Variants in CA13 observed in about 807,000 individuals in gnomAD.
CA13 encodes CA-XIII.
In CA13, 21 loss-of-function variants were observed where a neutral mutation model predicts 31.5. That is an observed-to-expected ratio of 0.67 (90% CI 0.47 to 0.96). The LOEUF (loss-of-function observed/expected upper bound fraction) is 0.96, where lower values mean the gene tolerates loss of function less well. CA13 is among the 40% of genes least tolerant of loss of function. The pLI is 0.00. For missense variants in CA13, 315 were observed against 318.9 expected, an observed-to-expected ratio of 0.99 and a Z score of 0.09; for synonymous variants, 117 against 111.4, an observed-to-expected ratio of 1.05 and a Z score of -0.32.
intron 1 of CA13, among the ~76,000 whole-genome samples, chr8:85,247,346 A>C (rs1316426978): frequency 6.6e-6 from 1 of 152,216 alleles, no homozygotes; most frequent in Non-Finnish European, 1.5e-5. Context: ...CACCTGAATG[A>C]AGCTTATTTC....
intron 1 of CA13, among the ~76,000 whole-genome samples, chr8:85,249,224 C>T (rs757758233): frequency 2.0e-5 from 3 of 152,072 alleles, no homozygotes; most frequent in Non-Finnish European, 2.9e-5. Flanking sequence ...TTGGGCCAGG[C>T]GTGGTGGCTC....
At chr8:85,267,597 T>G (rs1284119160) in intron 4 of CA13, among the ~76,000 whole-genome samples, 1 of 152,170 alleles carries the variant, frequency 6.6e-6, no homozygotes, top group East Asian at 1.9e-4. Flanking sequence ...TATGCAAAGT[T>G]TCTCTCAAGT....
At chr8:85,256,473 A>G (rs150172427) in intron 2 of CA13, among the ~76,000 whole-genome samples, 128 of 152,316 alleles carry the variant, frequency 8.4e-4, no homozygotes, top group Admixed American at 5.8e-3. Context: ...GAAAATGCCA[A>G]TTTCTCAGTT....
chr8:85,267,663 G>GT (rs1807475712), intron 4 of CA13, among the ~76,000 whole-genome samples: 1 of 152,114 alleles, frequency 6.6e-6, no homozygotes, highest in Non-Finnish European at 1.5e-5. Context: ...GTTTCTATTA[G>GT]TTTTGGGACT....
At chr8:85,277,039 C>T (rs946705671) in intron 6 of CA13, among the ~76,000 whole-genome samples, 1 of 152,194 alleles carries the variant, frequency 6.6e-6, no homozygotes, top group African/African-American at 2.4e-5. Flanking sequence ...AATCAGCGCC[C>T]TGTCAAAATA....
intron 6 of CA13, among the ~76,000 whole-genome samples, chr8:85,271,282 A>G (rs930268924): frequency 2.0e-5 from 3 of 152,238 alleles, no homozygotes; most frequent in African/African-American, 7.2e-5. Flanking sequence ...TACTGTCACA[A>G]TCAACAAATG....
intron 3 of CA13, among the ~76,000 whole-genome samples, chr8:85,266,285 G>A (rs1265796864): frequency 6.6e-6 from 1 of 152,136 alleles, no homozygotes; most frequent in African/African-American, 2.4e-5. Context: ...CCACCTCCTG[G>A]GTTCAAGTGA....
chr8:85,255,268 T>TC (rs1324601698), intron 2 of CA13, among the ~76,000 whole-genome samples: 1 of 151,720 alleles, frequency 6.6e-6, no homozygotes, highest in East Asian at 1.9e-4. Flanking sequence ...CATGAATTTT[T>TC]TTTTTTTTTT....
chr8:85,248,579 G>C (rs1440220748), intron 1 of CA13, among the ~76,000 whole-genome samples: 2 of 152,004 alleles, frequency 1.3e-5, no homozygotes, highest in African/African-American at 4.8e-5. Context: ...GCAGGGTCAT[G>C]GGGGGGACAA....
intron 4 of CA13, 71 bp from the exon 5 acceptor site, chr8:85,267,831 G>A (rs1031227629): frequency 2.3e-6 from 2 of 862,980 alleles, no homozygotes; most frequent in Non-Finnish European, 3.7e-6. Context: ...TTTTTAAATA[G>A]TGGCTGAAAT....
chr8:85,250,660 C>T, intron 1 of CA13, 80 bp from the exon 2 acceptor site: 1 of 830,218 alleles, frequency 1.2e-6, no homozygotes, highest in South Asian at 1.9e-5. Context: ...CAATTTCAAG[C>T]ACAGTGTGTT....
chr8:85,245,702 G>T lies in CA13; in HGVS notation c.-127G>T. On this transcript the variant is annotated 5_prime_UTR_variant, in exon 1 of 7. Transcript: ENST00000321764. ...GGGAGCGCCCCGGACCGGGTTCACG[G>T]TCTCGCACTCCTGCCGCCGGCGCCC... 9.2e-7 allele frequency: 1 copy of T among 1,088,894 alleles called. No individual in the cohort carries two copies. The highest frequency in any genetic ancestry group is 1.3e-5 in the South Asian group (1 of 75,016). The allele number at this position is 1,088,894 out of a possible 1,614,324, so 67.5% of individuals were successfully genotyped here.
Position 85,283,447 on chromosome 8 carries a change from T to C in CA13, c.*2098T>C, listed in dbSNP as rs1236402936. On this transcript the variant is annotated 3_prime_UTR_variant, in exon 7 of 7. Transcript: ENST00000321764. Reference sequence around the variant, plus strand: ...TGAATTGAATATTTAAAAAATTTTTTATTTGCTGTCTTTGGTAATTATCTC... The same window carrying C: ...TGAATTGAATATTTAAAAAATTTTTCATTTGCTGTCTTTGGTAATTATCTC... 1 of 152,516 alleles carries C rather than the reference T, an allele frequency of 6.6e-6. No homozygotes were observed. Among genetic ancestry groups the C allele is most frequent in the Non-Finnish European group, 1.5e-5 (1 of 68,044 alleles). The allele number at this position is 152,516 out of a possible 1,614,324, so 9.4% of individuals were successfully genotyped here. A position where few individuals can be genotyped will look rare whatever the true frequency, so the allele number is the denominator to read the frequency against.
chr8:85,276,588 C>G (rs1304618543), intron 6 of CA13, among the ~76,000 whole-genome samples: 1 of 152,188 alleles, frequency 6.6e-6, no homozygotes, highest in Admixed American at 6.5e-5. Flanking sequence ...TGTAAACACA[C>G]CAATCAGCAC....
chr8:85,269,987 T>C (rs1807507130), intron 6 of CA13, among the ~76,000 whole-genome samples: 1 of 152,190 alleles, frequency 6.6e-6, no homozygotes, highest in African/African-American at 2.4e-5. Flanking sequence ...CCTCCCAAAG[T>C]GCTAGGATTA....
At chr8:85,276,955 G>C (rs900397992) in intron 6 of CA13, among the ~76,000 whole-genome samples, 1 of 152,088 alleles carries the variant, frequency 6.6e-6, no homozygotes, top group Non-Finnish European at 1.5e-5. Context: ...TGCACCAATC[G>C]ACACTCTGTA....
chr8:85,263,116 TGGGAG>T (rs1363319852), intron 3 of CA13, among the ~76,000 whole-genome samples: 1 of 152,062 alleles, frequency 6.6e-6, no homozygotes, highest in Admixed American at 6.6e-5. Flanking sequence ...TTCCAGGAAG[TGGGAG>T]CAGCAAGCTC....
intron 6 of CA13, 88 bp from the exon 7 acceptor site, chr8:85,281,142 G>T: frequency 1.4e-6 from 2 of 1,478,860 alleles, no homozygotes; most frequent in Admixed American, 2.0e-5. Context: ...TTTGTTCCTG[G>T]TTATAGATAT....
intron 3 of CA13, 110 bp from the exon 4 acceptor site, chr8:85,266,498 A>C: frequency 2.8e-6 from 2 of 715,312 alleles, no homozygotes; most frequent in African/African-American, 1.8e-5. Flanking sequence ...TGATAAATAC[A>C]TTATACATAA....
Sources: allele counts gnomAD v4.1 joint callset (sites outside exome capture counted in the v4.1 genomes callset), GRCh38; gene constraint gnomAD v4.1.1; transcripts MANE v1.5; gene names NCBI Gene and HGNC (gene_info 2026-07-23, HGNC 2026-07-21).